Variants in TCF20 observed in about 807,000 individuals in gnomAD.
TCF20 encodes the protein SPRE-binding protein.
TCF20 carries 3 observed loss-of-function variants against 148.6 expected under a neutral mutation model. The observed-to-expected ratio is 0.02, with a 90% CI of 0.01 to 0.05. The LOEUF (loss-of-function observed/expected upper bound fraction) is 0.05, where lower values mean the gene tolerates loss of function less well. Ranked by LOEUF, TCF20 falls within the 10% of genes least tolerant of loss-of-function variation. TCF20 has a pLI of 1.00. For synonymous variants in TCF20, 1,049 were observed against 909.5 expected (o/e 1.15, Z -2.76); for missense variants, 2,350 against 2,429.3 (o/e 0.97, Z 0.69).
chr22:42,322,960 G>A (rs1215987475), intron 1 of TCF20, among the ~76,000 whole-genome samples: 1 of 151,166 alleles, frequency 6.6e-6, no homozygotes, highest in Non-Finnish European at 1.5e-5. Flanking sequence ...AGGCTGGAGT[G>A]CAATGGTGCG....
chr22:42,317,434 G>A lies in TCF20; in HGVS notation c.-37+26045C>T, dbSNP rs540557220. 5.9e-5 allele frequency among the ~76,000 whole-genome samples: 9 copies of A among 152,256 alleles called. No individual in the cohort carries two copies. The highest frequency in any genetic ancestry group is 4.1e-4 in the South Asian group (2 of 4,828). On this transcript the variant is annotated intron_variant, in intron 1 of 1. Transcript: ENST00000515426. The surrounding 1 kb of genome is among the most constrained non-coding windows in gnomAD (Gnocchi z 4.2). ...GAGCTTCGATTTAAACACAGATGAC[G>A]GAAAATCTCCTTTTCCTCCCACTAT... is the stretch of plus-strand genomic sequence containing the variant.
intron 2 of TCF20, among the ~76,000 whole-genome samples, chr22:42,185,726 T>A (rs151242072): frequency 6.6e-6 from 1 of 152,284 alleles, no homozygotes; most frequent in African/African-American, 2.4e-5. Flanking sequence ...GCCAAAGCAA[T>A]ACATACATAG....
In TCF20 at chr22:42,168,660, C is replaced by T. The variant is rs763374542; in HGVS notation, c.5876G>A (p.Arg1959Gln). 2.1e-5 allele frequency: 33 copies of T among 1,604,306 alleles called. No individual in the cohort carries two copies. Among genetic ancestry groups the T allele is most frequent in the Non-Finnish European group, 2.6e-5 (30 of 1,175,626 alleles). ...ACGAGCACACTGCCCCCCTCACCCC[C>T]GCTCCGACTGCTCTGTGCTGAGGCT... ...KGSLSTEQSE[R>Q]G The change falls in exon 5 of 6, where the codon CGG becomes CAG. Residue 1959 changes from arginine (R) to glutamine (Q), a missense_variant. Around this residue, in one of 7 missense-constraint regions of TCF20, gnomAD observed 67 missense variants for 60.8 expected, o/e 1.10. Transcript: ENST00000677622.
chr22:42,188,726 G>A (rs949375189), intron 2 of TCF20, among the ~76,000 whole-genome samples: 1 of 152,110 alleles, frequency 6.6e-6, no homozygotes. Context: ...AGGAGTTGAT[G>A]GTATCGACTT....
intron 1 of TCF20, among the ~76,000 whole-genome samples, chr22:42,233,837 G>C (rs1045633625): frequency 6.6e-6 from 1 of 152,116 alleles, no homozygotes; most frequent in Non-Finnish European, 1.5e-5. Context: ...CATAAGGAAA[G>C]GCAGGTTAAT....
intron 1 of TCF20, among the ~76,000 whole-genome samples, chr22:42,318,200 G>C (rs1235791594): frequency 3.3e-5 from 5 of 152,252 alleles, no homozygotes; most frequent in African/African-American, 1.2e-4. Flanking sequence ...TTGGGGAACG[G>C]CTGGATCTGG....
In TCF20 at chr22:42,211,269, T is replaced by C. The variant is rs1920953856; in HGVS notation, c.4037A>G (p.Lys1346Arg). ...PAKTKILPPR[K>R]GRGLKLEAIV... ...AGCTTCCAATTTCAATCCCCGTCCT[T>C]TCCGTGGGGGCAGTATTTTGGTCTT... The change falls in exon 2 of 6, where the codon AAA becomes AGA. Residue 1346 changes from lysine (K) to arginine (R), a missense_variant. Coordinates refer to ENST00000677622, the MANE Select transcript of TCF20 (RefSeq NM_001378418.1). 2 of 1,614,058 alleles carry C rather than the reference T, an allele frequency of 1.2e-6. No individual in the cohort carries two copies. Among genetic ancestry groups the C allele is most frequent in the Middle Eastern group, 1.6e-4 (1 of 6,084 alleles).
At position 42,210,317 on chromosome 22, in the gene TCF20, G is replaced by A. The variant is rs1245939803; in HGVS notation, c.4989C>T (p.Gly1663=). The A allele has an allele frequency of 2.5e-6, 4 of 1,614,044 alleles. No individual in the cohort carries two copies. The highest frequency in any genetic ancestry group is 1.3e-5 in the African/African-American group (1 of 74,910). Residue 1663 remains glycine, a synonymous_variant, in exon 2 of 6, where the codon GGC becomes GGT. Transcript: ENST00000677622. The surrounding 1 kb of genome is among the most constrained non-coding windows in gnomAD (Gnocchi z 4.7). ...EEEEQTKLVR[G]RKGQRSLTPP... is the part of the protein sequence containing the mutation. Reference sequence around the variant, plus strand: ...GGGTCAGTGACCTCTGACCCTTCCTGCCCCTCACTAATTTGGTCTGTTCTT... The same window carrying A: ...GGGTCAGTGACCTCTGACCCTTCCTACCCCTCACTAATTTGGTCTGTTCTT...
intron 1 of TCF20, among the ~76,000 whole-genome samples, chr22:42,328,201 C>G (rs1431203965): frequency 6.6e-6 from 1 of 152,128 alleles, no homozygotes; most frequent in African/African-American, 2.4e-5. Flanking sequence ...CTCGGGAGAA[C>G]CACACGTCTC....
chr22:42,272,370 G>A (rs1226203103), upstream of TCF20, among the ~76,000 whole-genome samples: 1 of 152,148 alleles, frequency 6.6e-6, no homozygotes, highest in African/African-American at 2.4e-5. Context: ...TGGTGTTGGG[G>A]GCACCCTTAA....
rs116647134 is a variant in TCF20 at position 42,295,961 on chromosome 22, G to A, written c.-37+47518C>T. Among the ~76,000 whole-genome samples the A allele has an allele frequency of 3.3e-5, 5 of 152,266 alleles. No individual in the cohort carries two copies. In the South Asian group the frequency reaches 1.0e-3, roughly 32 times the overall value. Reference sequence around the variant, plus strand: ...CAGGCTGCCCTCCACAAGACCCTGGGCATCACTGAGGGCATGGACTTTGAA... The same window carrying A: ...CAGGCTGCCCTCCACAAGACCCTGGACATCACTGAGGGCATGGACTTTGAA... On this transcript the variant is annotated intron_variant, in intron 1 of 1. Transcript: ENST00000515426.
At chr22:42,330,211 C>T (rs549015750) in intron 1 of TCF20, among the ~76,000 whole-genome samples, 1 of 152,328 alleles carries the variant, frequency 6.6e-6, no homozygotes, top group East Asian at 1.9e-4. Context: ...CTGTGGGTCT[C>T]AATTTCCTCA....
At chr22:42,224,938 G>A (rs1209071308) in intron 1 of TCF20, among the ~76,000 whole-genome samples, 1 of 151,682 alleles carries the variant, frequency 6.6e-6, no homozygotes, top group Non-Finnish European at 1.5e-5. Flanking sequence ...TGGCAGTGTT[G>A]TGGAAGTATT....
intron 1 of TCF20, among the ~76,000 whole-genome samples, chr22:42,239,450 T>C (rs1924192866): frequency 6.9e-6 from 1 of 144,664 alleles, no homozygotes; most frequent in Admixed American, 7.2e-5. Context: ...CACTCCAGCC[T>C]GGGGAACAAG....
At chr22:42,319,300 A>T (rs1656040218) in intron 1 of TCF20, among the ~76,000 whole-genome samples, 1 of 152,152 alleles carries the variant, frequency 6.6e-6, no homozygotes, top group African/African-American at 2.4e-5. Flanking sequence ...TCCACTCCAC[A>T]GGCATGGGGA....
At chr22:42,249,115 C>T in intron 1 of TCF20, among the ~76,000 whole-genome samples, 1 of 152,222 alleles carries the variant, frequency 6.6e-6, no homozygotes, top group Non-Finnish European at 1.5e-5. Flanking sequence ...CCTTGGACAT[C>T]AGAACTCCAG....
At chr22:42,266,103 G>T (rs1797464572) in intron 1 of TCF20, among the ~76,000 whole-genome samples, 1 of 151,144 alleles carries the variant, frequency 6.6e-6, no homozygotes, top group Non-Finnish European at 1.5e-5. Flanking sequence ...AAAAAGAGGG[G>T]CACAGCAGGA....
intron 1 of TCF20, among the ~76,000 whole-genome samples, chr22:42,254,886 A>C (rs1248108710): frequency 7.1e-6 from 1 of 140,146 alleles, no homozygotes; most frequent in Non-Finnish European, 1.5e-5. Flanking sequence ...AATGGCGTGA[A>C]CCTGGGAGGC....
At chr22:42,268,724 CT>C (rs1926427248) in intron 1 of TCF20, among the ~76,000 whole-genome samples, 1 of 152,206 alleles carries the variant, frequency 6.6e-6, no homozygotes, top group Non-Finnish European at 1.5e-5. Context: ...CTGATAACTT[CT>C]TTCACAAAGA....
Sources: gnomAD v4.1 joint callset for allele counts (sites outside exome capture counted in the v4.1 genomes callset) on GRCh38, gnomAD v4.1.1 for gene constraint, gnomAD v4.1.1 regional missense constraint, Gnocchi (gnomAD v3.1) non-coding constraint, MANE v1.5 for transcripts, NCBI Gene and HGNC (gene_info 2026-07-23, HGNC 2026-07-21) for gene names.